The following RTL9 variants were observed in gnomAD, a reference collection of about 807,000 sequenced individuals.
RTL9 encodes the protein retrotransposon Gag like 9, also known as retrotransposon Gag-like protein 9.
A neutral mutation model predicts 44.7 loss-of-function variants in RTL9; 19 were observed. That is an observed-to-expected ratio of 0.42 (90% confidence interval 0.30 to 0.62). The LOEUF (loss-of-function observed/expected upper bound fraction) is 0.62. RTL9 is among the 20% of genes least tolerant of loss of function. The pLI is 0.16. For missense variants in RTL9, 1,105 were observed against 1,080.6 expected (o/e 1.02, Z -0.32); for synonymous variants, 407 against 398.9 (o/e 1.02, Z -0.24).
intron 1 of RTL9, among the ~76,000 whole-genome samples, chrX:110,382,950 T>A (rs966040661): frequency 3.6e-5 from 4 of 112,198 alleles, no homozygotes; most frequent in African/African-American, 1.3e-4. Flanking sequence ...CCATGGCCTA[T>A]AAGGTACAGT....
chrX:110,451,108 T>C, exon 1 of RTL9: 1 of 1,212,301 alleles, frequency 8.2e-7, no homozygotes, highest in Non-Finnish European at 1.1e-6. Flanking sequence ...TCTGCAGAGA[T>C]ATCACCATTG....
chrX:110,448,528 A>C (rs2068920921), upstream of RTL9, among the ~76,000 whole-genome samples: 1 of 108,473 alleles, frequency 9.2e-6, no homozygotes, highest in Non-Finnish European at 1.9e-5. Flanking sequence ...AGAGGGGTGG[A>C]GTTGCATAGG....
chrX:110,388,628 G>GCC (rs1462907216), intron 1 of RTL9, among the ~76,000 whole-genome samples: 2 of 112,356 alleles, frequency 1.8e-5, no homozygotes, highest in Non-Finnish European at 3.8e-5. Flanking sequence ...TGCATCAAAA[G>GCC]CCCCTGGAGG....
intron 1 of RTL9, among the ~76,000 whole-genome samples, chrX:110,362,087 A>T (rs1311095107): frequency 8.9e-6 from 1 of 111,862 alleles, no homozygotes; most frequent in Non-Finnish European, 1.9e-5. Context: ...TAGGCACATG[A>T]TTTATTTTAC....
Position 110,454,122 on chromosome X carries a change from G to T in RTL9, c.3505G>T (p.Glu1169Ter), listed in dbSNP as rs1190826876. Residue 1169 changes from glutamate (E) to a stop codon, truncating the protein, a stop_gained, in exon 1 of 2, where the codon GAG (glutamate) becomes TAG (stop). Transcript: ENST00000540313. LOFTEE classifies it high-confidence loss of function. ...CTCATGCTCTGTGGAGGAAGAGATG[G>T]AGATTGATGAGGAGAAGCAAATGAA... The T allele has an allele frequency of 1.7e-6, 2 of 1,212,082 alleles. No homozygotes were observed. The highest frequency in any genetic ancestry group is 2.2e-6 in the Non-Finnish European group (2 of 895,624).
chrX:110,365,255 G>T (rs779603832), intron 1 of RTL9, among the ~76,000 whole-genome samples: 1 of 111,755 alleles, frequency 8.9e-6, no homozygotes, highest in Non-Finnish European at 1.9e-5. Context: ...TGAAGATAGG[G>T]TCAGGAGCCT....
At chrX:110,450,794 A>G (rs1358973963) in exon 1 of RTL9, 1 of 1,209,797 alleles carries the variant, frequency 8.3e-7, no homozygotes, top group East Asian at 3.0e-5. Flanking sequence ...CAGACCCTGG[A>G]GGGACATCCA....
chrX:110,452,342 G>A (rs1208947551), exon 1 of RTL9: 28 of 1,211,870 alleles, frequency 2.3e-5, no homozygotes, highest in Non-Finnish European at 3.0e-5. Flanking sequence ...CTGGAGCAAT[G>A]TCCACCCCAC....
At chrX:110,363,263 G>T (rs1032209092) in intron 1 of RTL9, among the ~76,000 whole-genome samples, 1 of 111,732 alleles carries the variant, frequency 8.9e-6, no homozygotes, top group Non-Finnish European at 1.9e-5. Flanking sequence ...CTGTGAATTT[G>T]TGGAGTTTTG....
chrX:110,416,035 T>G (rs1280430641), upstream of RTL9, among the ~76,000 whole-genome samples: 1 of 108,336 alleles, frequency 9.2e-6, no homozygotes, highest in African/African-American at 3.4e-5. Flanking sequence ...GGAAGCAGAC[T>G]CAGATGATTA....
At chrX:110,380,869 G>A (rs2148274193) in intron 1 of RTL9, among the ~76,000 whole-genome samples, 1 of 112,527 alleles carries the variant, frequency 8.9e-6, no homozygotes, top group East Asian at 2.8e-4. Context: ...TCAATAAATG[G>A]TGCTGGGATA....
At chrX:110,430,932 T>A (rs187883848) in intron 1 of RTL9, among the ~76,000 whole-genome samples, 32 of 112,172 alleles carry the variant, frequency 2.9e-4, no homozygotes, top group Non-Finnish European at 5.4e-4. Flanking sequence ...CATGGCTGGT[T>A]ATAATGACAC....
chrX:110,376,056 G>A (rs2068374523), intron 1 of RTL9, among the ~76,000 whole-genome samples: 1 of 111,559 alleles, frequency 9.0e-6, no homozygotes, highest in Non-Finnish European at 1.9e-5. Context: ...GATTCAGAAA[G>A]GTTAAATGAC....
At chrX:110,433,171 C>A (rs1372620956) in intron 1 of RTL9, among the ~76,000 whole-genome samples, 1 of 112,452 alleles carries the variant, frequency 8.9e-6, no homozygotes, top group Non-Finnish European at 1.9e-5. Flanking sequence ...AAAACCAGGA[C>A]CCTCAAGCCG....
rs2068390187 is a variant in RTL9, at chrX:110,377,995, C to T, written c.-168+19079C>T. ...CTGCACTCCAGCCTGGGCGACAGAG[C>T]GAGACTCCGTCTCAAAAAAAAAAAA... On this transcript the variant is annotated intron_variant, in intron 1 of 2. Transcript: ENST00000520821. Among the ~76,000 whole-genome samples, 4 of 83,216 alleles carry T rather than the reference C, an allele frequency of 4.8e-5. No individual in the cohort carries two copies. In the South Asian group the frequency reaches 1.8e-3, roughly 38 times the overall value. 72.3% of individuals were successfully genotyped at this position (83,216 alleles called of 115,157 possible).
chrX:110,378,486 A>G (rs189740047), intron 1 of RTL9, among the ~76,000 whole-genome samples: 17 of 111,986 alleles, frequency 1.5e-4, no homozygotes, highest in Non-Finnish European at 2.3e-4. Flanking sequence ...CCTTTTGCCT[A>G]ATGAGTAACG....
At chrX:110,406,979 A>G (rs2068606756) in intron 1 of RTL9, among the ~76,000 whole-genome samples, 1 of 111,655 alleles carries the variant, frequency 9.0e-6, no homozygotes, top group African/African-American at 3.3e-5. Flanking sequence ...TCATCTCTGC[A>G]CAGGAGCTGA....
chrX:110,405,296 T>G (rs751941234), intron 1 of RTL9, among the ~76,000 whole-genome samples: 2 of 111,831 alleles, frequency 1.8e-5, no homozygotes, highest in South Asian at 7.6e-4. Flanking sequence ...GAGGGGAACA[T>G]TAAAATTGGA....
chrX:110,453,429 A>C, exon 1 of RTL9: 2 of 1,211,777 alleles, frequency 1.7e-6, no homozygotes, highest in Non-Finnish European at 2.2e-6. Flanking sequence ...ACATATGTCC[A>C]CTGCACAAAC....
Sources: gnomAD v4.1 joint callset for allele counts (sites outside exome capture counted in the v4.1 genomes callset) on GRCh38, gnomAD v4.1.1 for gene constraint, MANE v1.5 for transcripts, NCBI Gene and HGNC (gene_info 2026-07-23, HGNC 2026-07-21) for gene names.